The following PDE4D variants were observed in gnomAD, a reference collection of about 807,000 sequenced individuals.
PDE4D encodes 3',5'-cyclic-AMP phosphodiesterase 4D.
A neutral mutation model predicts 87.4 loss-of-function variants in PDE4D; 24 were observed. The observed-to-expected ratio is 0.27, with a 90% CI of 0.20 to 0.39. The LOEUF (loss-of-function observed/expected upper bound fraction) is 0.39. Among genes scored for constraint, PDE4D ranks in the 10% least tolerant of loss-of-function variants. The pLI is 1.00. For missense variants in PDE4D, 714 were observed against 1,041.0 expected (o/e 0.69, Z 4.32); for synonymous variants, 384 against 383.2 (o/e 1.00, Z -0.02).
At chr5:60,174,306 T>C (rs1288493938) in intron 2 of PDE4D, among the ~76,000 whole-genome samples, 3 of 152,034 alleles carry the variant, frequency 2.0e-5, no homozygotes, top group Non-Finnish European at 4.4e-5. Flanking sequence ...CAGAAGGAAA[T>C]AGCAATAACT....
At chr5:59,779,306 C>T (rs897369823) in intron 1 of PDE4D, among the ~76,000 whole-genome samples, 2 of 152,074 alleles carry the variant, frequency 1.3e-5, no homozygotes, top group East Asian at 3.8e-4. Flanking sequence ...GTTTCTGTAG[C>T]CCTCCATCCC....
chr5:59,955,703 C>A (rs1581899160), intron 3 of PDE4D, among the ~76,000 whole-genome samples: 1 of 152,160 alleles, frequency 6.6e-6, no homozygotes, highest in South Asian at 2.1e-4. Context: ...TGGGGTATTT[C>A]TCACAACATC....
chr5:59,933,011 A>G (rs1411903323), intron 3 of PDE4D, among the ~76,000 whole-genome samples: 1 of 152,096 alleles, frequency 6.6e-6, no homozygotes, highest in Non-Finnish European at 1.5e-5. Flanking sequence ...ATACCAAAAC[A>G]CTATGGGACT....
chr5:59,914,216 T>C (rs1046375116), intron 3 of PDE4D, among the ~76,000 whole-genome samples: 2 of 152,096 alleles, frequency 1.3e-5, no homozygotes, highest in Non-Finnish European at 2.9e-5. Context: ...AAGTAGACAA[T>C]AGACAACAAA....
At chr5:60,221,794 C>A (rs1204004616) in intron 1 of PDE4D, among the ~76,000 whole-genome samples, 1 of 152,084 alleles carries the variant, frequency 6.6e-6, no homozygotes, top group Non-Finnish European at 1.5e-5. Flanking sequence ...TCTCTTTTAT[C>A]ACTGAGGCAT....
intron 1 of PDE4D, chr5:59,560,836 G>C (rs1435111523): frequency 1.3e-5 from 2 of 152,252 alleles, no homozygotes. Context: ...ATACTAGTGA[G>C]AGAGCCAGGT....
rs1787669221 is a variant in PDE4D, at chr5:59,388,917, G to A, written c.456-172949C>T. 2.0e-5 allele frequency among the ~76,000 whole-genome samples: 3 copies of A among 151,992 alleles called. No individual in the cohort carries two copies. In the South Asian group the frequency reaches 6.2e-4, roughly 32 times the overall value. On this transcript the variant is annotated intron_variant, in intron 1 of 14. Transcript: ENST00000340635. ...CTATATCAATCTTATAAAATTGTGT[G>A]AGCATGAGGTTTTGGGGATGAAGAG...
intron 3 of PDE4D, among the ~76,000 whole-genome samples, chr5:59,916,117 G>GA (rs1289558686): frequency 2.0e-5 from 3 of 152,084 alleles, no homozygotes; most frequent in African/African-American, 7.2e-5. Context: ...CTATGAGAAT[G>GA]CTTTTTTTCC....
In PDE4D at chr5:60,392,052, G is replaced by A. The variant is rs1435592030; in HGVS notation, c.-90+95890C>T. On this transcript the variant is annotated intron_variant, in intron 1 of 16. Coordinates refer to the PDE4D transcript ENST00000502484. ...GAGACTCCATATTTTCAACAGAAAA[G>A]TAGAGTTAATAAAACCTACTGACAG... 2.0e-5 allele frequency among the ~76,000 whole-genome samples: 3 copies of A among 152,128 alleles called. No homozygotes were observed. The East Asian group carries it at 5.8e-4, about 29-fold the overall frequency.
intron 1 of PDE4D, among the ~76,000 whole-genome samples, chr5:59,886,814 G>GA (rs1398155711): frequency 6.6e-6 from 1 of 152,064 alleles, no homozygotes; most frequent in African/African-American, 2.4e-5. Context: ...AAGACCGACT[G>GA]GGCCAACATT....
chr5:60,282,551 T>G (rs1267588996), intron 1 of PDE4D, among the ~76,000 whole-genome samples: 1 of 152,094 alleles, frequency 6.6e-6, no homozygotes, highest in Non-Finnish European at 1.5e-5. Flanking sequence ...CAAATAAAAT[T>G]TGTTATTACT....
At chr5:60,320,448 G>A (rs985248264) in intron 1 of PDE4D, among the ~76,000 whole-genome samples, 5 of 152,100 alleles carry the variant, frequency 3.3e-5, no homozygotes, top group African/African-American at 7.2e-5. Flanking sequence ...GTGATGCCTC[G>A]CCCTGCTTTG....
intron 1 of PDE4D, among the ~76,000 whole-genome samples, chr5:59,415,680 T>A (rs1204973278): frequency 6.6e-6 from 1 of 152,204 alleles, no homozygotes; most frequent in Non-Finnish European, 1.5e-5. Flanking sequence ...CAAATTAATA[T>A]GTGATGTAAG....
intron 2 of PDE4D, among the ~76,000 whole-genome samples, chr5:60,172,827 C>T (rs1417119525): frequency 6.6e-6 from 1 of 152,032 alleles, no homozygotes; most frequent in African/African-American, 2.4e-5. Context: ...AAAGTACTGC[C>T]GCTCCCCAAA....
chr5:59,427,044 CACACAT>C (rs1170468048), intron 1 of PDE4D, among the ~76,000 whole-genome samples: 4 of 79,712 alleles, frequency 5.0e-5, no homozygotes, highest in African/African-American at 5.8e-5. Context: ...CACACACACA[CACACAT>C]TACATATATA....
intron 2 of PDE4D, among the ~76,000 whole-genome samples, chr5:60,116,655 G>A (rs7444851): frequency 0.57 from 86,001 of 151,734 alleles, 25,132 homozygotes; most frequent in African/African-American, 0.68. Flanking sequence ...GGGAAAATTC[G>A]GTTGGTGCTG....
At chr5:60,132,309 C>T (rs1220093328) in intron 2 of PDE4D, among the ~76,000 whole-genome samples, 4 of 151,838 alleles carry the variant, frequency 2.6e-5, no homozygotes, top group African/African-American at 9.7e-5. Context: ...TAGTGTAATC[C>T]CTGTATATTT....
intron 6 of PDE4D, among the ~76,000 whole-genome samples, chr5:59,022,116 C>T (rs955927294): frequency 1.3e-5 from 2 of 152,182 alleles, no homozygotes; most frequent in African/African-American, 4.8e-5. Context: ...CAGCTCTACC[C>T]CTCCCTCCAT....
At chr5:59,919,705 T>C (rs1180064646) in intron 3 of PDE4D, among the ~76,000 whole-genome samples, 1 of 152,188 alleles carries the variant, frequency 6.6e-6, no homozygotes, top group African/African-American at 2.4e-5. Flanking sequence ...AGACCCTCCC[T>C]ATTTTTCTTC....
Sources: allele counts gnomAD v4.1 joint callset (sites outside exome capture counted in the v4.1 genomes callset), GRCh38; gene constraint gnomAD v4.1.1; transcripts MANE v1.5; gene names NCBI Gene and HGNC (gene_info 2026-07-23, HGNC 2026-07-21).